RNF14: variants seen among roughly 807,000 people sequenced by gnomAD.
The protein encoded by RNF14 is E3 ubiquitin-protein ligase RNF14.
Under a neutral mutation model 52.6 loss-of-function variants are expected in RNF14, and 26 were observed. The ratio of observed to expected loss-of-function variants is 0.49; its 90% CI spans 0.36 to 0.69. The LOEUF is 0.69. Ranked by LOEUF, RNF14 falls within the 30% of genes least tolerant of loss-of-function variation. The pLI is 0.00. For synonymous variants in RNF14, 194 were observed against 202.0 expected (o/e 0.96, Z 0.34); for missense variants, 404 against 560.4 (o/e 0.72, Z 2.82).
chr5:141,969,699 G>T (rs998055071), intron 1 of RNF14: 1 of 152,262 alleles, frequency 6.6e-6, no homozygotes, highest in Non-Finnish European at 1.5e-5. Context: ...GCTTGGAGTA[G>T]AAGTTCTTAG....
chr5:141,983,773 C>G (rs1754991717), intron 7 of RNF14, among the ~76,000 whole-genome samples: 1 of 152,000 alleles, frequency 6.6e-6, no homozygotes, highest in African/African-American at 2.4e-5. Context: ...GACCATTGTT[C>G]TCACATTGTA....
At chr5:141,950,463 T>C in the RNF14 span, among the ~76,000 whole-genome samples, 6 of 152,350 alleles carry the variant, frequency 3.9e-5, no homozygotes, top group East Asian at 9.7e-4. Context: ...CCTTATGCGA[T>C]GCAAGGTCCA....
At chr5:141,963,637 A>G (rs1753292573), upstream of RNF14, among the ~76,000 whole-genome samples, 1 of 152,152 alleles carries the variant, frequency 6.6e-6, no homozygotes, top group Non-Finnish European at 1.5e-5. Flanking sequence ...CCAGTCACTC[A>G]TTTATTTGGT....
upstream of RNF14, chr5:141,957,104 C>G (rs759178735): frequency 6.2e-7 from 1 of 1,614,106 alleles, no homozygotes; most frequent in Non-Finnish European, 8.5e-7. The surrounding 1 kb of genome is among the most constrained non-coding windows in gnomAD (Gnocchi z 4.3). Context: ...ATTTCCAGTG[C>G]CAGTGAACTC....
At chr5:141,980,453 T>G (rs1219024390) in intron 6 of RNF14, 102 bp downstream of exon 6, 7 of 859,420 alleles carry the variant, frequency 8.1e-6, no homozygotes, top group Non-Finnish European at 1.3e-5. Flanking sequence ...TTGGAAGTAT[T>G]CATTTAGCAG....
chr5:141,966,680 C>T (rs919243044), upstream of RNF14: 4 of 152,264 alleles, frequency 2.6e-5, no homozygotes, highest in African/African-American at 9.6e-5. Context: ...ATCTTGTCCT[C>T]AAAATTGACT....
At chr5:141,955,716 C>T (rs201131730), upstream of RNF14, 86 of 1,614,128 alleles carry the variant, frequency 5.3e-5, no homozygotes, top group East Asian at 1.0e-3. This position sits in a 1 kb window ranked among gnomAD's most constrained non-coding sequence, Gnocchi z 5.5. Flanking sequence ...TCGACATGCT[C>T]AAGGCCCCAG....
At chr5:141,976,776 C>CTTTTTTTTTT (rs70991717) in intron 4 of RNF14, among the ~76,000 whole-genome samples, 1 of 100,080 alleles carries the variant, frequency 1.0e-5, no homozygotes, top group Non-Finnish European at 2.0e-5. Flanking sequence ...CTTTCTCTCT[C>CTTTTTTTTTT]TTTTTTTTTT....
At chr5:141,965,469 A>G (rs1003447707), upstream of RNF14, among the ~76,000 whole-genome samples, 1 of 152,136 alleles carries the variant, frequency 6.6e-6, no homozygotes, top group African/African-American at 2.4e-5. Context: ...CTGTGTTCTC[A>G]TTCTCACCTA....
upstream of RNF14, among the ~76,000 whole-genome samples, chr5:141,965,791 C>T (rs1753332296): frequency 6.6e-6 from 1 of 152,102 alleles, no homozygotes; most frequent in Non-Finnish European, 1.5e-5. Context: ...GGGAACAACA[C>T]ACACTGGGGC....
At chr5:141,967,711 C>T (rs1488198255), upstream of RNF14, among the ~76,000 whole-genome samples, 2 of 152,206 alleles carry the variant, frequency 1.3e-5, no homozygotes, top group Admixed American at 6.5e-5. Context: ...AAAAAGCGGA[C>T]ACAGGAGCTT....
At chr5:141,979,898 T>C (rs967181706) in intron 5 of RNF14, among the ~76,000 whole-genome samples, 2 of 152,142 alleles carry the variant, frequency 1.3e-5, no homozygotes, top group African/African-American at 2.4e-5. Context: ...TCTAAAGAAA[T>C]AAAACTAAAA....
upstream of RNF14, among the ~76,000 whole-genome samples, chr5:141,964,811 G>C (rs1376743372): frequency 1.4e-5 from 2 of 145,742 alleles, no homozygotes; most frequent in Non-Finnish European, 3.0e-5. Context: ...ATTTTTAGTA[G>C]AAGCAGGGTT....
chr5:141,951,673 G>C, the RNF14 span: 1 of 1,001,810 alleles, frequency 1.0e-6, no homozygotes, highest in Admixed American at 1.7e-5. Flanking sequence ...CAATGCCGGT[G>C]CTTTCTTTTT....
At chr5:141,958,978 T>C (rs1753230007) in intron 1 of RNF14, 1 of 152,296 alleles carries the variant, frequency 6.6e-6, no homozygotes, top group South Asian at 2.1e-4. Flanking sequence ...CTGCCCACAC[T>C]GACTTATGAG....
At chr5:141,957,812 GC>G, upstream of RNF14, 1 of 1,601,746 alleles carries the variant, frequency 6.2e-7, no homozygotes, top group Non-Finnish European at 8.5e-7. This position sits in a 1 kb window ranked among gnomAD's most constrained non-coding sequence, Gnocchi z 4.3. Context: ...TAGCCACCTG[GC>G]CCCAAAAGCC....
upstream of RNF14, chr5:141,957,592 C>A: frequency 1.2e-6 from 2 of 1,614,234 alleles, no homozygotes; most frequent in African/African-American, 2.7e-5. This position sits in a 1 kb window ranked among gnomAD's most constrained non-coding sequence, Gnocchi z 4.3. Flanking sequence ...CCTGCCTGTG[C>A]TGAGCAAGCC....
intron 1 of RNF14, chr5:141,969,608 C>T (rs1166540631): frequency 6.6e-6 from 1 of 152,282 alleles, no homozygotes; most frequent in African/African-American, 2.4e-5. Flanking sequence ...GGTTAGCAAC[C>T]TGAATTGAGG....
intron 1 of RNF14, chr5:141,969,449 C>T (rs1256079870): frequency 6.6e-6 from 1 of 152,324 alleles, no homozygotes; most frequent in Non-Finnish European, 1.5e-5. Flanking sequence ...CGCATTGCGC[C>T]CTCTGATCCC....
Sources: gnomAD v4.1 joint callset for allele counts (sites outside exome capture counted in the v4.1 genomes callset) on GRCh38, gnomAD v4.1.1 for gene constraint, Gnocchi (gnomAD v3.1) non-coding constraint, MANE v1.5 for transcripts, NCBI Gene and HGNC (gene_info 2026-07-23, HGNC 2026-07-21) for gene names.